LONP2: variants seen among roughly 807,000 people sequenced by gnomAD.
LONP2 encodes the protein lon peptidase 2, peroxisomal.
LONP2 carries 60 observed loss-of-function variants against 85.6 expected under a neutral mutation model. The observed-to-expected ratio is 0.70, with a 90% confidence interval of 0.57 to 0.87. LONP2 has a LOEUF of 0.87. Among genes scored for constraint, LONP2 ranks in the 40% least tolerant of loss-of-function variants. The pLI is 0.00. For synonymous variants in LONP2, 395 were observed against 389.7 expected, an observed-to-expected ratio of 1.01 and a Z score of -0.16; for missense variants, 860 against 1,063.5, an observed-to-expected ratio of 0.81 and a Z score of 2.66.
intron 11 of LONP2, among the ~76,000 whole-genome samples, chr16:48,331,074 A>G (rs1959429033): frequency 6.6e-6 from 1 of 152,228 alleles, no homozygotes; most frequent in African/African-American, 2.4e-5. Context: ...GCTTGTCACA[A>G]AGCACCACAG....
chr16:48,258,848 A>T, intron 4 of LONP2, 108 bp downstream of exon 4: 1 of 1,023,468 alleles, frequency 9.8e-7, no homozygotes, highest in Non-Finnish European at 1.3e-6. Flanking sequence ...ACTACTGATA[A>T]AATTTAGGTG....
At chr16:48,295,968 C>G (rs1030558755) in intron 8 of LONP2, 47 bp from the exon 9 acceptor site, 1 of 1,590,228 alleles carries the variant, frequency 6.3e-7, no homozygotes, top group African/African-American at 1.3e-5. Flanking sequence ...ATACAGCCTT[C>G]TGTTGGCACT....
intron 8 of LONP2, among the ~76,000 whole-genome samples, chr16:48,289,643 G>T (rs1972519318): frequency 6.6e-6 from 1 of 152,128 alleles, no homozygotes; most frequent in South Asian, 2.1e-4. Flanking sequence ...GATAAGTGAG[G>T]ACACCACAGG....
chr16:48,258,449 C>A (rs942270989), intron 3 of LONP2, among the ~76,000 whole-genome samples, 169 bp from the exon 4 acceptor site: 2 of 151,824 alleles, frequency 1.3e-5, no homozygotes, highest in African/African-American at 2.4e-5. Context: ...TCATCTCAAA[C>A]AACCTTGCTG....
intron 11 of LONP2, among the ~76,000 whole-genome samples, chr16:48,321,095 G>A (rs1298717427): frequency 1.3e-5 from 2 of 151,680 alleles, no homozygotes; most frequent in African/African-American, 4.9e-5. Context: ...ATGTTGCTCA[G>A]GCTGTTCTCA....
At chr16:48,324,448 C>T (rs903992095) in intron 11 of LONP2, among the ~76,000 whole-genome samples, 7 of 152,146 alleles carry the variant, frequency 4.6e-5, no homozygotes, top group African/African-American at 1.2e-4. Flanking sequence ...CAAGTACAGC[C>T]GTCTCCACAT....
chr16:48,355,035 C>G lies in LONP2; in HGVS notation c.*3233C>G, dbSNP rs913929378. On this transcript the variant is annotated 3_prime_UTR_variant, in exon 15 of 15. Coordinates refer to ENST00000285737, the MANE Select transcript of LONP2 (RefSeq NM_031490.5). The stretch of plus-strand genomic sequence containing the variant: ...ATAATACACCACTATATCCATAGAC[C>G]GCATTTGGTTTATCCACTCATCTGC... The G allele has an allele frequency of 6.6e-6, 1 of 152,116 alleles. No homozygotes were observed. Among genetic ancestry groups the G allele is most frequent in the Admixed American group, 6.5e-5 (1 of 15,274 alleles). The allele number at this position is 152,116 out of a possible 1,614,324, so 9.4% of individuals were successfully genotyped here. A position where few individuals can be genotyped will look rare whatever the true frequency, so the allele number is the denominator to read the frequency against.
intron 7 of LONP2, among the ~76,000 whole-genome samples, chr16:48,271,601 G>A (rs1368447791): frequency 1.3e-5 from 2 of 151,962 alleles, no homozygotes; most frequent in Non-Finnish European, 2.9e-5. Flanking sequence ...TATCATTACT[G>A]GCCTTGTGTA....
chr16:48,360,586 T>G (rs1289935416), downstream of LONP2: 1 of 152,610 alleles, frequency 6.6e-6, no homozygotes, highest in African/African-American at 2.4e-5. Context: ...CCAAAAACAT[T>G]TTTTGCAAAC....
chr16:48,275,347 G>A (rs557369075), intron 7 of LONP2, among the ~76,000 whole-genome samples: 5 of 152,262 alleles, frequency 3.3e-5, no homozygotes, highest in South Asian at 2.1e-4. Context: ...GATGCTTTGA[G>A]TGCTGGCACG....
chr16:48,256,626 A>G lies in LONP2; in HGVS notation c.485A>G (p.Asp162Gly). 6.2e-7 allele frequency: 1 copy of G among 1,613,282 alleles called. No individual in the cohort carries two copies. The highest frequency in any genetic ancestry group is 8.5e-7 in the Non-Finnish European group (1 of 1,179,772). ...CCCTTCTAGTTGGTTGAAATGTTGG[A>G]TATGTCTGTCCCTGCAGTTGCTAAA... ...KYAVQLVEMLDMSVPAVAKLR... is the reference protein window; with the variant it reads ...KYAVQLVEMLGMSVPAVAKLR... The change falls in exon 3 of 15, where the codon GAT becomes GGT. Residue 162 changes from aspartate to glycine, a missense_variant. Coordinates refer to ENST00000285737, the MANE Select transcript of LONP2 (RefSeq NM_031490.5).
intron 2 of LONP2, among the ~76,000 whole-genome samples, chr16:48,255,947 C>T (rs1232571844): frequency 1.3e-5 from 2 of 152,120 alleles, no homozygotes; most frequent in Non-Finnish European, 1.5e-5. Context: ...CAGACTAATA[C>T]AAAATGTTAT....
At chr16:48,244,744 G>T in intron 1 of LONP2, 123 bp downstream of exon 1, 1 of 607,864 alleles carries the variant, frequency 1.6e-6, no homozygotes, top group Non-Finnish European at 2.5e-6. Context: ...GCTCGGTTCC[G>T]CCTCTCTGGT....
intron 11 of LONP2, among the ~76,000 whole-genome samples, chr16:48,304,094 C>T (rs1184529098): frequency 6.6e-6 from 1 of 152,208 alleles, no homozygotes; most frequent in Non-Finnish European, 1.5e-5. Flanking sequence ...CAGTAACTTT[C>T]TCCAGATGTA....
chr16:48,362,663 A>C lies in LONP2; in HGVS notation c.*800A>C. The C allele has an allele frequency of 2.0e-6, 1 of 489,292 alleles. No individual in the cohort carries two copies. Among genetic ancestry groups the C allele is most frequent in the Non-Finnish European group, 3.8e-6 (1 of 266,432 alleles). The allele number at this position is 489,292 out of a possible 1,614,324, so 30.3% of individuals were successfully genotyped here. A position where few individuals can be genotyped will look rare whatever the true frequency, so the allele number is the denominator to read the frequency against. The stretch of plus-strand genomic sequence containing the variant: ...CTCTTTTCAAAATGTTCCGGAAAAC[A>C]TGTGGAACTCCCTTAATCGTCTTTG... On this transcript the variant is annotated 3_prime_UTR_variant, in exon 5 of 5. Transcript: ENST00000565867. This position sits in a 1 kb window ranked among gnomAD's most constrained non-coding sequence, Gnocchi z 4.2.
At chr16:48,272,384 T>A (rs974196228) in intron 7 of LONP2, among the ~76,000 whole-genome samples, 2 of 152,212 alleles carry the variant, frequency 1.3e-5, no homozygotes, top group African/African-American at 4.8e-5. Context: ...GTGTCATGGT[T>A]CTCACCACTT....
At chr16:48,247,685 T>G (rs1364539016) in intron 1 of LONP2, 1 of 152,230 alleles carries the variant, frequency 6.6e-6, no homozygotes, top group Non-Finnish European at 1.5e-5. Context: ...AGTGACCCAT[T>G]GTTTTCTTAG....
intron 8 of LONP2, among the ~76,000 whole-genome samples, chr16:48,285,761 G>A (rs1972426727): frequency 1.3e-5 from 2 of 152,038 alleles, no homozygotes; most frequent in South Asian, 4.1e-4. Flanking sequence ...TAATTCTTTA[G>A]ACATGATTTC....
chr16:48,300,643 A>G (rs546771121), intron 10 of LONP2, among the ~76,000 whole-genome samples: 33 of 152,324 alleles, frequency 2.2e-4, no homozygotes, highest in African/African-American at 7.2e-4. Context: ...CTTTTGATCT[A>G]TGCCTTCTTA....
Sources: allele counts gnomAD v4.1 joint callset (sites outside exome capture counted in the v4.1 genomes callset), GRCh38; gene constraint gnomAD v4.1.1; non-coding constraint Gnocchi (gnomAD v3.1); transcripts MANE v1.5; gene names NCBI Gene and HGNC (gene_info 2026-07-23, HGNC 2026-07-21).